Variants in CA10 observed in about 807,000 individuals in gnomAD.
The protein encoded by CA10 is carbonic anhydrase-related protein 10.
Under a neutral mutation model 44.2 loss-of-function variants are expected in CA10, and 14 were observed. The ratio of observed to expected loss-of-function variants is 0.32; its 90% CI spans 0.21 to 0.50. The LOEUF (loss-of-function observed/expected upper bound fraction) is 0.50. Ranked by LOEUF, CA10 falls within the 20% of genes least tolerant of loss-of-function variation. The pLI is 0.99. For missense variants in CA10, 350 were observed against 409.7 expected, an observed-to-expected ratio of 0.85 and a Z score of 1.26; for synonymous variants, 159 against 141.6, an observed-to-expected ratio of 1.12 and a Z score of -0.87.
At position 51,996,495 on chromosome 17, in the gene CA10, T is replaced by C. The variant is rs146084178; in HGVS notation, c.137-65363A>G. ...GTCTGACTTATTCACAAAAACAAGTTCAATCTCCTCGACATGGCCCATGGT... is the reference window on the plus strand; with the variant it reads ...GTCTGACTTATTCACAAAAACAAGTCCAATCTCCTCGACATGGCCCATGGT... On this transcript the variant is annotated intron_variant, in intron 2 of 8. Transcript: ENST00000451037. Among the ~76,000 whole-genome samples the C allele has an allele frequency of 2.5e-3, 381 of 152,078 alleles. 1 individual carries two copies. The Middle Eastern group carries it at 0.041, about 16-fold the overall frequency.
At chr17:51,955,549 A>G (rs1983634813) in intron 2 of CA10, among the ~76,000 whole-genome samples, 1 of 151,882 alleles carries the variant, frequency 6.6e-6, no homozygotes, top group South Asian at 2.1e-4. Flanking sequence ...CCTTTCTTTC[A>G]TCAATCAATA....
chr17:52,084,222 T>C (rs1278360355), intron 1 of CA10, among the ~76,000 whole-genome samples: 2 of 152,166 alleles, frequency 1.3e-5, no homozygotes, highest in Non-Finnish European at 1.5e-5. Flanking sequence ...GGTAGAAAAG[T>C]AGGCAAAATG....
chr17:51,862,296 G>C (rs1598087341), intron 3 of CA10, among the ~76,000 whole-genome samples: 1 of 152,186 alleles, frequency 6.6e-6, no homozygotes, highest in Admixed American at 6.5e-5. Context: ...AGACGGGAGA[G>C]TCCCTTTTGC....
chr17:51,805,798 C>A (rs1441480241), intron 3 of CA10, among the ~76,000 whole-genome samples: 3 of 152,192 alleles, frequency 2.0e-5, no homozygotes, highest in Non-Finnish European at 4.4e-5. Flanking sequence ...AACCACTGAT[C>A]TTCTTTCTAT....
intron 2 of CA10, among the ~76,000 whole-genome samples, chr17:51,967,333 G>GATATAT (rs34446295): frequency 0.025 from 3,721 of 147,266 alleles, 55 homozygotes; most frequent in East Asian, 0.079. Context: ...CATTACTGGA[G>GATATAT]ATATATATAT....
intron 3 of CA10, among the ~76,000 whole-genome samples, chr17:51,924,945 T>C (rs946400575): frequency 6.6e-6 from 1 of 152,204 alleles, no homozygotes; most frequent in Non-Finnish European, 1.5e-5. Context: ...GGGCAAAATT[T>C]CAAACAAAAA....
chr17:52,085,636 C>A (rs1215974674), intron 1 of CA10, among the ~76,000 whole-genome samples: 1 of 152,202 alleles, frequency 6.6e-6, no homozygotes. Context: ...CATCTTTTCT[C>A]TGTGCTCTCA....
chr17:51,871,381 A>AC (rs1400023417), intron 3 of CA10, among the ~76,000 whole-genome samples: 2 of 131,882 alleles, frequency 1.5e-5, no homozygotes, highest in African/African-American at 5.7e-5. Context: ...ACAGGTGCCC[A>AC]CCACCAGGCC....
intron 2 of CA10, among the ~76,000 whole-genome samples, chr17:51,976,562 C>T (rs1191586071): frequency 6.6e-6 from 1 of 151,530 alleles, no homozygotes; most frequent in Non-Finnish European, 1.5e-5. Flanking sequence ...AAGGAAAATA[C>T]AAACACTATG....
At chr17:52,153,003 T>C (rs1191227647) in intron 1 of CA10, among the ~76,000 whole-genome samples, 2 of 152,148 alleles carry the variant, frequency 1.3e-5, no homozygotes, top group Non-Finnish European at 2.9e-5. Context: ...ACATTTATGA[T>C]ACCTAGATCT....
At chr17:51,834,974 T>C (rs956812615) in intron 3 of CA10, among the ~76,000 whole-genome samples, 8 of 152,086 alleles carry the variant, frequency 5.3e-5, no homozygotes, top group African/African-American at 1.9e-4. Context: ...TGGCCAGATA[T>C]AGTGTGAGGT....
At chr17:51,917,704 A>T (rs1351741289) in intron 3 of CA10, among the ~76,000 whole-genome samples, 2 of 152,214 alleles carry the variant, frequency 1.3e-5, no homozygotes, top group Non-Finnish European at 1.5e-5. Context: ...GAACTCACTC[A>T]CGAGTACAGC....
At chr17:52,063,416 C>T (rs1157682626) in intron 2 of CA10, among the ~76,000 whole-genome samples, 1 of 152,080 alleles carries the variant, frequency 6.6e-6, no homozygotes, top group African/African-American at 2.4e-5. Context: ...GCGTGGAATG[C>T]TACAGTTTGA....
intron 1 of CA10, among the ~76,000 whole-genome samples, chr17:52,147,943 G>A (rs1325048869): frequency 6.6e-6 from 1 of 151,976 alleles, no homozygotes; most frequent in Non-Finnish European, 1.5e-5. Flanking sequence ...TCTCCTCACA[G>A]TTGTAAAGAT....
Position 51,882,375 on chromosome 17 carries a change from T to A in CA10, c.279+48615A>T, listed in dbSNP as rs565675026. On this transcript the variant is annotated intron_variant, in intron 3 of 8. Transcript: ENST00000451037. ...CCTTAGTACAAGAAAATCCAGGATC[T>A]CCCACTTGAGATTGCCTATCCCCAG... is the stretch of plus-strand genomic sequence containing the variant. Among the ~76,000 whole-genome samples, 279 of 152,276 alleles carry A rather than the reference T, an allele frequency of 1.8e-3. 1 individual carries two copies. The highest frequency in any genetic ancestry group is 6.3e-3 in the African/African-American group (261 of 41,554).
intron 2 of CA10, among the ~76,000 whole-genome samples, chr17:52,070,135 G>C (rs1987640849): frequency 6.6e-6 from 1 of 152,138 alleles, no homozygotes; most frequent in African/African-American, 2.4e-5. Context: ...AGTTTAGAAA[G>C]TGGAATCATC....
intron 1 of CA10, among the ~76,000 whole-genome samples, chr17:52,148,609 C>T (rs1190597141): frequency 2.0e-5 from 3 of 151,962 alleles, no homozygotes; most frequent in Non-Finnish European, 4.4e-5. Flanking sequence ...TCTTCATCTC[C>T]CCTCCCTCAT....
At chr17:52,143,465 A>G (rs1989522896) in intron 1 of CA10, among the ~76,000 whole-genome samples, 1 of 152,184 alleles carries the variant, frequency 6.6e-6, no homozygotes, top group South Asian at 2.1e-4. Flanking sequence ...AAATTGGATT[A>G]TGTTAGTGTT....
chr17:51,833,384 C>T (rs1470794679), intron 3 of CA10, among the ~76,000 whole-genome samples: 2 of 152,168 alleles, frequency 1.3e-5, no homozygotes, highest in Non-Finnish European at 2.9e-5. Context: ...CATTTTTAAA[C>T]ATTTACCCTC....
Sources: allele counts gnomAD v4.1 joint callset (sites outside exome capture counted in the v4.1 genomes callset), GRCh38; gene constraint gnomAD v4.1.1; transcripts MANE v1.5; gene names NCBI Gene and HGNC (gene_info 2026-07-23, HGNC 2026-07-21).